The following KCTD13 variants were observed in gnomAD, a reference collection of about 807,000 sequenced individuals.
The protein encoded by KCTD13 is potassium channel tetramerization domain containing 13.
KCTD13 carries 15 observed loss-of-function variants against 32.3 expected under a neutral mutation model. The ratio of observed to expected loss-of-function variants is 0.46; its 90% CI spans 0.31 to 0.71. The LOEUF (loss-of-function observed/expected upper bound fraction) is 0.71. Among genes scored for constraint, KCTD13 ranks in the 30% least tolerant of loss-of-function variants. The probability of loss-of-function intolerance (pLI) is 0.05; values close to 1 mark genes in which losing one functional copy is unlikely to be tolerated. For synonymous variants in KCTD13, 189 were observed against 200.1 expected (o/e 0.94, Z 0.47); for missense variants, 337 against 452.6 (o/e 0.74, Z 2.32).
At chr16:29,910,929 G>A in intron 5 of KCTD13, 49 bp downstream of exon 5, 1 of 1,556,336 alleles carries the variant, frequency 6.4e-7, no homozygotes, top group Non-Finnish European at 8.8e-7. Context: ...CCAGGGTCCT[G>A]GTCCTGGCCA....
intron 2 of KCTD13, chr16:29,913,490 G>T (rs535085572): frequency 6.6e-6 from 1 of 152,270 alleles, no homozygotes; most frequent in South Asian, 2.1e-4. Flanking sequence ...GTAACAAACT[G>T]CCCCCAATTT....
intron 2 of KCTD13, among the ~76,000 whole-genome samples, chr16:29,918,846 T>A (rs1597025637): frequency 6.6e-6 from 1 of 151,868 alleles, no homozygotes; most frequent in South Asian, 2.1e-4. Flanking sequence ...TTTTAGTAGA[T>A]ACAGGGTTTC....
At chr16:29,910,227 G>A (rs897014866) in intron 5 of KCTD13, among the ~76,000 whole-genome samples, 3 of 151,332 alleles carry the variant, frequency 2.0e-5, no homozygotes, top group East Asian at 1.9e-4. Context: ...GTGAAACCCC[G>A]TTTCTACTAA....
chr16:29,908,735 C>T (rs2150832816), intron 5 of KCTD13, among the ~76,000 whole-genome samples: 1 of 149,880 alleles, frequency 6.7e-6, no homozygotes, highest in Middle Eastern at 3.6e-3. Context: ...CAAGATCTCA[C>T]TCTGTTGCCT....
At chr16:29,908,355 T>C (rs1195425515) in intron 5 of KCTD13, among the ~76,000 whole-genome samples, 1 of 152,108 alleles carries the variant, frequency 6.6e-6, no homozygotes, top group East Asian at 1.9e-4. Flanking sequence ...ACACAGCTCT[T>C]AGCAAACTGT....
chr16:29,922,569 C>T (rs72798151), intron 2 of KCTD13: 4,219 of 155,410 alleles, frequency 0.027, 107 homozygotes, highest in Non-Finnish European at 0.04. Context: ...TATGTCCTGG[C>T]TTCACTTTCC....
intron 2 of KCTD13, 29 bp downstream of exon 2, chr16:29,923,161 A>C (rs1173839001): frequency 6.2e-7 from 1 of 1,611,138 alleles, no homozygotes; most frequent in Non-Finnish European, 8.5e-7. Context: ...TCCCAGGAAC[A>C]TAGGCATGGG....
At chr16:29,918,863 T>G (rs1198116669) in intron 2 of KCTD13, among the ~76,000 whole-genome samples, 2 of 152,174 alleles carry the variant, frequency 1.3e-5, no homozygotes, top group African/African-American at 4.8e-5. Flanking sequence ...TTTCACCATG[T>G]TGGCCAGGCT....
At position 29,919,201 on chromosome 16, in the gene KCTD13, C is replaced by A. The variant is rs114038355; in HGVS notation, c.414+3989G>T. Among the ~76,000 whole-genome samples, 733 of 152,286 alleles carry A rather than the reference C, an allele frequency of 4.8e-3. 3 individuals are homozygous for A. The highest frequency in any genetic ancestry group is 0.017 in the African/African-American group (711 of 41,568). ...TAAACAACCAGGCAAAGTTGGAAAG[C>A]GGGTCATTGTGCAGGACAACTGGCA... On this transcript the variant is annotated intron_variant, in intron 2 of 5. Coordinates refer to ENST00000568000, the MANE Select transcript of KCTD13 (RefSeq NM_178863.5).
rs556208789 is a variant in KCTD13, at chr16:29,917,696, T to C, written c.414+5494A>G. Among the ~76,000 whole-genome samples the C allele has an allele frequency of 2.1e-3, 326 of 152,162 alleles. 3 individuals are homozygous for C. The highest frequency in any genetic ancestry group is 3.5e-3 in the Non-Finnish European group (235 of 68,008). ...CAGGAGGTTAGGGCAGGAGAATCGCTTGAACCCGGGAGGCAGAGGTTGCAG... is the reference window on the plus strand; with the variant it reads ...CAGGAGGTTAGGGCAGGAGAATCGCCTGAACCCGGGAGGCAGAGGTTGCAG... On this transcript the variant is annotated intron_variant, in intron 2 of 5. Transcript: ENST00000568000.
At chr16:29,920,502 T>C (rs975308760) in intron 2 of KCTD13, 1 of 152,136 alleles carries the variant, frequency 6.6e-6, no homozygotes, top group Non-Finnish European at 1.5e-5. Context: ...TAGGGCTTAA[T>C]TATCCCTAGG....
chr16:29,914,603 A>T (rs2068776958), intron 2 of KCTD13: 1 of 151,678 alleles, frequency 6.6e-6, no homozygotes, highest in African/African-American at 2.4e-5. Flanking sequence ...CATCCCAGCT[A>T]ATTTTCTTTA....
chr16:29,925,772 T>A lies in KCTD13; in HGVS notation c.244+18A>T. 1 of 1,610,614 alleles carries A rather than the reference T, an allele frequency of 6.2e-7. No individual in the cohort carries two copies. The highest frequency in any genetic ancestry group is 8.5e-7 in the Non-Finnish European group (1 of 1,179,136). On this transcript the variant is annotated intron_variant, in intron 1 of 5. Transcript: ENST00000568000. The stretch of plus-strand genomic sequence containing the variant: ...TTGGGGGTCTGGGGTGGGGGCACGG[T>A]AGGGGCGCCGCTCGTACCTCCGGCA...
chr16:29,922,082 C>T (rs1264205906), intron 2 of KCTD13: 1 of 152,044 alleles, frequency 6.6e-6, no homozygotes, highest in Non-Finnish European at 1.5e-5. Context: ...AGTAATGGGT[C>T]CCAAACAGCA....
chr16:29,918,461 T>C (rs1352479033), intron 2 of KCTD13, among the ~76,000 whole-genome samples: 1 of 152,128 alleles, frequency 6.6e-6, no homozygotes, highest in Non-Finnish European at 1.5e-5. Context: ...AGTCATTTTA[T>C]TTATTTTATT....
rs747715908 is a variant in KCTD13, at chr16:29,923,336, C to T, written c.268G>A (p.Gly90Ser). ...AGGWVLIDRSGRHFGTILNYL... is the reference protein window; with the variant it reads ...AGGWVLIDRSSRHFGTILNYL... ...TTGAGGATTGTACCAAAGTGACGGCCGCTCCGGTCAATCAGCACCCAACCT... is the reference window on the plus strand; with the variant it reads ...TTGAGGATTGTACCAAAGTGACGGCTGCTCCGGTCAATCAGCACCCAACCT... Residue 90 changes from glycine (G) to serine (S), a missense_variant, in exon 2 of 6, where the codon GGC (glycine) becomes AGC (serine). By Grantham distance (56) the Gly-to-Ser change is moderately conservative. Around this residue, in one of 3 missense-constraint regions of KCTD13, gnomAD observed 252 missense variants for 340.2 expected, o/e 0.74. Coordinates refer to ENST00000568000, the MANE Select transcript of KCTD13 (RefSeq NM_178863.5). The T allele has an allele frequency of 9.3e-6, 15 of 1,613,900 alleles. 1 individual carries two copies. In the South Asian group the frequency reaches 1.1e-4, roughly 12 times the overall value.
At chr16:29,925,726 A>C in intron 1 of KCTD13, 64 bp downstream of exon 1, 2 of 1,502,724 alleles carry the variant, frequency 1.3e-6, no homozygotes, top group Non-Finnish European at 1.8e-6. Flanking sequence ...CCCGGTGGTG[A>C]GAGACTGCGG....
intron 5 of KCTD13, 122 bp downstream of exon 5, chr16:29,910,856 G>T: frequency 1.2e-6 from 1 of 838,026 alleles, no homozygotes; most frequent in Admixed American, 2.6e-5. Context: ...GTGCACCCCA[G>T]ACCCCAGGAT....
intron 2 of KCTD13, among the ~76,000 whole-genome samples, chr16:29,916,852 C>T (rs2068818647): frequency 6.6e-6 from 1 of 152,178 alleles, no homozygotes; most frequent in African/African-American, 2.4e-5. Flanking sequence ...AGAAGGTTTG[C>T]CTGGGCCTAG....
Sources: gnomAD v4.1 joint callset for allele counts (sites outside exome capture counted in the v4.1 genomes callset) on GRCh38, gnomAD v4.1.1 for gene constraint, gnomAD v4.1.1 regional missense constraint, MANE v1.5 for transcripts, NCBI Gene and HGNC (gene_info 2026-07-23, HGNC 2026-07-21) for gene names.